PPARGC1B: variants seen among roughly 807,000 people sequenced by gnomAD.
PPARGC1B encodes PPARG coactivator 1 beta.
A neutral mutation model predicts 101.6 loss-of-function variants in PPARGC1B; 34 were observed. The observed-to-expected ratio is 0.33, with a 90% CI of 0.25 to 0.45. The LOEUF is 0.45. Among genes scored for constraint, PPARGC1B ranks in the 20% least tolerant of loss-of-function variants. The pLI is 1.00. For missense variants in PPARGC1B, 1,234 were observed against 1,317.6 expected (o/e 0.94, Z 0.98); for synonymous variants, 548 against 539.3 (o/e 1.02, Z -0.22).
intron 1 of PPARGC1B, among the ~76,000 whole-genome samples, chr5:149,748,254 C>T (rs1443116533): frequency 6.6e-6 from 1 of 151,564 alleles, no homozygotes; most frequent in East Asian, 1.9e-4. Context: ...TCTGCCTGGG[C>T]CTTAGTTTCC....
intron 1 of PPARGC1B, among the ~76,000 whole-genome samples, chr5:149,788,689 A>G (rs1384139089): frequency 2.0e-5 from 3 of 152,246 alleles, no homozygotes; most frequent in Admixed American, 1.3e-4. Context: ...ATGTCCGTCA[A>G]TAATAGACTG....
intron 1 of PPARGC1B, among the ~76,000 whole-genome samples, chr5:149,809,350 CATAG>C (rs374136678): frequency 0.017 from 576 of 34,784 alleles, 52 homozygotes; most frequent in African/African-American, 0.063. Context: ...CCATCTCTAC[CATAG>C]ATAGATAGAT....
intron 1 of PPARGC1B, among the ~76,000 whole-genome samples, chr5:149,738,754 A>G (rs1401387159): frequency 6.6e-6 from 1 of 152,054 alleles, no homozygotes; most frequent in African/African-American, 2.4e-5. Context: ...GTGCTACCAC[A>G]CCTGGCTAAT....
Position 149,854,853 on chromosome 5 carries a change from TA to T in PPARGC1B, c.*7298del, listed in dbSNP as rs1308092122. ...GTATAAAGTTCTATTTTAATGTCTG[TA>T]AATACTTCAGAACTGGCTTCTTTTC... On this transcript the variant is annotated 3_prime_UTR_variant, in exon 12 of 12. Coordinates refer to ENST00000309241, the MANE Select transcript of PPARGC1B (RefSeq NM_133263.4). The T allele has an allele frequency of 6.6e-6, 1 of 152,224 alleles. No individual in the cohort carries two copies. The highest frequency in any genetic ancestry group is 1.5e-5 in the Non-Finnish European group (1 of 68,040). The allele number at this position is 152,224 out of a possible 1,614,324, so 9.4% of individuals were successfully genotyped here.
At position 149,730,425 on chromosome 5, in the gene PPARGC1B, G is replaced by A; in HGVS notation, c.78+5G>A. Reference sequence around the variant, plus strand: ...AACTATCTCGCTGACACGCAGGTACGGCCGGCTGGGGCTGCGGGCCCGGGG... The same window carrying A: ...AACTATCTCGCTGACACGCAGGTACAGCCGGCTGGGGCTGCGGGCCCGGGG... On this transcript the variant is annotated splice_donor_5th_base_variant and intron_variant, in intron 1 of 11. Coordinates refer to ENST00000309241, the MANE Select transcript of PPARGC1B (RefSeq NM_133263.4). The surrounding 1 kb of genome is among the most constrained non-coding windows in gnomAD (Gnocchi z 4.0). 6.5e-7 allele frequency: 1 copy of A among 1,545,802 alleles called. No homozygotes were observed. Among genetic ancestry groups the A allele is most frequent in the Admixed American group, 1.9e-5 (1 of 51,550 alleles).
At position 149,832,234 on chromosome 5, in the gene PPARGC1B, G is replaced by C. The variant is rs1156535701; in HGVS notation, c.583-422G>C. 6.6e-6 allele frequency among the ~76,000 whole-genome samples: 1 copy of C among 152,140 alleles called. No homozygotes were observed. The highest frequency in any genetic ancestry group is 2.4e-5 in the African/African-American group (1 of 41,410). ...TGAGGCAGGAGAATCGCTTGAACCT[G>C]GGAAGCAGAGGTTGCAGTGGGCCGA... On this transcript the variant is annotated intron_variant, in intron 4 of 11. Coordinates refer to ENST00000309241, the MANE Select transcript of PPARGC1B (RefSeq NM_133263.4). The surrounding 1 kb of genome is among the most constrained non-coding windows in gnomAD (Gnocchi z 4.9).
chr5:149,838,785 T>C (rs573433261), intron 8 of PPARGC1B, among the ~76,000 whole-genome samples: 106 of 152,346 alleles, frequency 7.0e-4, no homozygotes, highest in African/African-American at 2.5e-3. Flanking sequence ...ACCTGGCTCC[T>C]GCTCAGCTAC....
chr5:149,836,161 T>G, intron 7 of PPARGC1B, 102 bp from the exon 8 acceptor site: 3 of 993,776 alleles, frequency 3.0e-6, no homozygotes, highest in Non-Finnish European at 3.0e-6. Context: ...AATGTTGGGA[T>G]TATAGGTGTG....
At chr5:149,843,445 A>G (rs993809548) in intron 10 of PPARGC1B, among the ~76,000 whole-genome samples, 22 of 152,234 alleles carry the variant, frequency 1.4e-4, no homozygotes, top group Non-Finnish European at 2.9e-5. Context: ...AAGAGTTATT[A>G]TATACTTCTT....
At chr5:149,756,834 G>A (rs1446398871) in intron 1 of PPARGC1B, among the ~76,000 whole-genome samples, 1 of 152,152 alleles carries the variant, frequency 6.6e-6, no homozygotes, top group Non-Finnish European at 1.5e-5. Context: ...TTGACTAGGG[G>A]TGTGGTATGT....
Position 149,842,256 on chromosome 5 carries a change from G to C in PPARGC1B, c.2695G>C (p.Gly899Arg), listed in dbSNP as rs529670273. 3 of 1,612,916 alleles carry C rather than the reference G, an allele frequency of 1.9e-6. No individual in the cohort carries two copies. Among genetic ancestry groups the C allele is most frequent in the African/African-American group, 2.7e-5 (2 of 74,886 alleles). The change falls in exon 10 of 12, where the codon GGG (glycine) becomes CGG (arginine). Residue 899 changes from glycine (G) to arginine (R), a missense_variant and splice_region_variant. Coordinates refer to ENST00000309241, the MANE Select transcript of PPARGC1B (RefSeq NM_133263.4). ...HARKRREKAI[G>R]EGRVVYIQNL... ...TCTCTCTGTCCTCCTTCTTGGGCAG[G>C]GGGAAGGCCGCGTGGTGTACATTCA...
In PPARGC1B at chr5:149,837,216, C is replaced by A; in HGVS notation, c.2618+143C>A. 1 of 1,345,394 alleles carries A rather than the reference C, an allele frequency of 7.4e-7. No individual in the cohort carries two copies. Among genetic ancestry groups the A allele is most frequent in the Non-Finnish European group, 9.9e-7 (1 of 1,011,498 alleles). 83.3% of individuals were successfully genotyped at this position (1,345,394 alleles called of 1,614,324 possible). A position where few individuals can be genotyped will look rare whatever the true frequency, so the allele number is the denominator to read the frequency against. On this transcript the variant is annotated intron_variant, in intron 8 of 11. Transcript: ENST00000309241. This position sits in a 1 kb window ranked among gnomAD's most constrained non-coding sequence, Gnocchi z 4.2. ...CTCCCAGTGTGGCCCATGTCTTGGT[C>A]AGGAGCCTTGAAGGTGGTCTTCTGG...
At chr5:149,804,395 C>T (rs560902120) in intron 1 of PPARGC1B, among the ~76,000 whole-genome samples, 2 of 152,258 alleles carry the variant, frequency 1.3e-5, no homozygotes, top group Non-Finnish European at 2.9e-5. Context: ...GTGATGCGGC[C>T]GGGTGCGGTG....
At chr5:149,762,909 C>T (rs1482450533) in intron 1 of PPARGC1B, among the ~76,000 whole-genome samples, 1 of 152,160 alleles carries the variant, frequency 6.6e-6, no homozygotes, top group Non-Finnish European at 1.5e-5. Flanking sequence ...ACCTCAGCCT[C>T]CCAAGCAGCT....
intron 1 of PPARGC1B, among the ~76,000 whole-genome samples, chr5:149,749,389 C>A (rs968993112): frequency 5.3e-5 from 8 of 152,156 alleles, no homozygotes; most frequent in African/African-American, 1.9e-4. Flanking sequence ...AGGAACTGGA[C>A]GGGAATGTGA....
In PPARGC1B at chr5:149,848,543, C is replaced by T. The variant is rs148809454; in HGVS notation, c.*985C>T. 5.3e-5 allele frequency: 8 copies of T among 152,282 alleles called. No individual in the cohort carries two copies. The highest frequency in any genetic ancestry group is 1.9e-4 in the East Asian group (1 of 5,184). The allele number at this position is 152,282 out of a possible 1,614,324, so 9.4% of individuals were successfully genotyped here. A position where few individuals can be genotyped will look rare whatever the true frequency, so the allele number is the denominator to read the frequency against. Reference sequence around the variant, plus strand: ...AGGTGAGTTCGGCTAAATTGGGCACCGGGCTAGAAGCCTAAGGGCTCATTT... The same window carrying T: ...AGGTGAGTTCGGCTAAATTGGGCACTGGGCTAGAAGCCTAAGGGCTCATTT... On this transcript the variant is annotated 3_prime_UTR_variant, in exon 12 of 12. Transcript: ENST00000309241.
intron 1 of PPARGC1B, among the ~76,000 whole-genome samples, chr5:149,774,419 G>A (rs1409756287): frequency 6.6e-6 from 1 of 152,124 alleles, no homozygotes; most frequent in African/African-American, 2.4e-5. Context: ...AAGGCATATA[G>A]CATTTAGCAG....
At chr5:149,846,024 C>T (rs1759542357) in intron 11 of PPARGC1B, 110 bp downstream of exon 11, 1 of 1,288,482 alleles carries the variant, frequency 7.8e-7, no homozygotes, top group African/African-American at 1.5e-5. Context: ...AGCTTCCATC[C>T]CCACACCCCA....
intron 1 of PPARGC1B, among the ~76,000 whole-genome samples, chr5:149,769,644 C>T (rs903798634): frequency 6.6e-6 from 1 of 152,186 alleles, no homozygotes; most frequent in Non-Finnish European, 1.5e-5. Context: ...ACATGTAGTG[C>T]CTTAACACAG....
Sources: allele counts gnomAD v4.1 joint callset (sites outside exome capture counted in the v4.1 genomes callset), GRCh38; gene constraint gnomAD v4.1.1; non-coding constraint Gnocchi (gnomAD v3.1); transcripts MANE v1.5; gene names NCBI Gene and HGNC (gene_info 2026-07-23, HGNC 2026-07-21).